Variants in PTCH1 observed in about 807,000 individuals in gnomAD.
PTCH1 encodes patched 1.
Under a neutral mutation model 144.6 loss-of-function variants are expected in PTCH1, and 14 were observed. That is an observed-to-expected ratio of 0.10 (90% CI 0.06 to 0.15). The LOEUF is 0.15. Ranked by LOEUF, PTCH1 falls within the 10% of genes least tolerant of loss-of-function variation. The pLI, the probability that PTCH1 is intolerant of heterozygous loss-of-function variation, is 1.00. For missense variants in PTCH1, 1,623 were observed against 1,948.3 expected, an observed-to-expected ratio of 0.83 and a Z score of 3.14; for synonymous variants, 833 against 793.6, an observed-to-expected ratio of 1.05 and a Z score of -0.83.
intron 12 of PTCH1, among the ~76,000 whole-genome samples, chr9:95,474,985 G>A (rs1840902932): frequency 6.6e-6 from 1 of 151,918 alleles, no homozygotes; most frequent in South Asian, 2.1e-4. Flanking sequence ...GAAAGAAAGG[G>A]GAAACAATTG....
rs55873843 is a variant in PTCH1, at chr9:95,479,862, C to A, written c.1067+107G>T. 4.0e-5 allele frequency: 63 copies of A among 1,558,000 alleles called. No individual in the cohort carries two copies. In the African/African-American group the frequency reaches 7.7e-4, roughly 19 times the overall value. On this transcript the variant is annotated intron_variant, in intron 7 of 23. Transcript: ENST00000331920. ...GACGCCACCTGGCTAGCGAGGATAACGGTTTAAGTATTAATACAAATACAC... is the reference window on the plus strand; with the variant it reads ...GACGCCACCTGGCTAGCGAGGATAAAGGTTTAAGTATTAATACAAATACAC...
At chr9:95,462,946 T>C (rs1458405333) in intron 15 of PTCH1, among the ~76,000 whole-genome samples, 3 of 152,112 alleles carry the variant, frequency 2.0e-5, no homozygotes, top group Non-Finnish European at 2.9e-5. Flanking sequence ...GACCCGGCCT[T>C]AGGGTCTGAG....
Position 95,478,120 on chromosome 9 carries a change from C to T in PTCH1, c.1282G>A (p.Asp428Asn). 1 of 1,614,142 alleles carries T rather than the reference C, an allele frequency of 6.2e-7. No homozygotes were observed. Among genetic ancestry groups the T allele is most frequent in the Non-Finnish European group, 8.5e-7 (1 of 1,180,038 alleles). Residue 428 changes from aspartate to asparagine, a missense_variant, in exon 9 of 24, where the codon GAC (aspartate) becomes AAC (asparagine). Physicochemically the swap from Asp to Asn is conservative, Grantham distance 23 (BLOSUM62 1). This residue lies in a region of PTCH1 where 230 missense variants were observed against 271.0 expected (regional missense o/e 0.85). Coordinates refer to ENST00000331920, the MANE Select transcript of PTCH1 (RefSeq NM_000264.5). ...KVLSFTTTTL[D>N]DILKSFSDVS... ...TCAGAGAAGGATTTCAGGATGTCGT[C>T]CAGGGTCGTGGTGGTGAAGGAAAGC... is the stretch of plus-strand genomic sequence containing the variant.
intron 15 of PTCH1, among the ~76,000 whole-genome samples, chr9:95,462,839 G>A (rs1031238170): frequency 6.6e-6 from 1 of 152,216 alleles, no homozygotes; most frequent in South Asian, 2.1e-4. Flanking sequence ...ACACAGCTGC[G>A]CTTGGCCTCA....
At chr9:95,503,072 T>C (rs1843268754) in intron 2 of PTCH1, among the ~76,000 whole-genome samples, 1 of 152,196 alleles carries the variant, frequency 6.6e-6, no homozygotes, top group East Asian at 1.9e-4. Flanking sequence ...TCTCATACTT[T>C]CCTCTCTTCT....
chr9:95,468,071 T>C (rs1196367779), intron 14 of PTCH1, among the ~76,000 whole-genome samples: 2 of 152,070 alleles, frequency 1.3e-5, no homozygotes, highest in African/African-American at 2.4e-5. Context: ...CATGCCTTTT[T>C]TCCCCCTCTC....
rs776937004 is a variant in PTCH1, at chr9:95,447,140, C to T, written c.4116G>A (p.Thr1372=). ...CGGCGACAGTCACGGAGGCAGAAGC[C>T]GTCACAGTGGTGATGGGCTGGCAGT... The part of the protein sequence containing the change: ...PGYCQPITTV[T]ASASVTVAVH... The change falls in exon 23 of 24, where the codon ACG becomes ACA. Residue 1372 remains threonine, a synonymous_variant. Coordinates refer to ENST00000331920, the MANE Select transcript of PTCH1 (RefSeq NM_000264.5). 26 of 1,613,158 alleles carry T rather than the reference C, an allele frequency of 1.6e-5. No homozygotes were observed. The highest frequency in any genetic ancestry group is 1.9e-5 in the Non-Finnish European group (23 of 1,179,924).
Position 95,508,408 on chromosome 9 carries a change from C to G in PTCH1, c.-47G>C. 1 of 1,073,252 alleles carries G rather than the reference C, an allele frequency of 9.3e-7. No homozygotes were observed. The highest frequency in any genetic ancestry group is 1.1e-6 in the Non-Finnish European group (1 of 889,054). 66.5% of individuals were successfully genotyped at this position (1,073,252 alleles called of 1,614,324 possible). Reference sequence around the variant, plus strand: ...GCCGCGGGGACGGAGGCTTCCCGGGCGGCCCGGCGCGCTGCTGCCGCTGCT... The same window carrying G: ...GCCGCGGGGACGGAGGCTTCCCGGGGGGCCCGGCGCGCTGCTGCCGCTGCT... On this transcript the variant is annotated 5_prime_UTR_variant, in exon 1 of 24. Transcript: ENST00000331920.
chr9:95,469,443 C>G (rs1418299681), intron 13 of PTCH1, among the ~76,000 whole-genome samples: 3 of 152,180 alleles, frequency 2.0e-5, no homozygotes, highest in African/African-American at 7.2e-5. Context: ...AGCACAATTC[C>G]AAACAAAACC....
intron 2 of PTCH1, among the ~76,000 whole-genome samples, chr9:95,496,936 G>A (rs1842831717): frequency 6.6e-6 from 1 of 151,754 alleles, no homozygotes; most frequent in African/African-American, 2.4e-5. Context: ...GTGGGGGTGG[G>A]AATGTGGAAG....
At chr9:95,459,313 G>A (rs1241808840) in intron 17 of PTCH1, among the ~76,000 whole-genome samples, 1 of 152,126 alleles carries the variant, frequency 6.6e-6, no homozygotes, top group Non-Finnish European at 1.5e-5. Flanking sequence ...AGGCGTCCCC[G>A]GTGTTCACAG....
At chr9:95,481,694 A>G in intron 5 of PTCH1, 1 of 539,722 alleles carries the variant, frequency 1.9e-6, no homozygotes. Flanking sequence ...AATAATTTGC[A>G]TTTTATTTGC....
chr9:95,476,833 C>A lies in PTCH1; in HGVS notation c.1528G>T (p.Val510Phe), dbSNP rs770758782. ...TQVLPFLALGVGVDDVFLLAH... is the reference protein window; with the variant it reads ...TQVLPFLALGFGVDDVFLLAH... ...AGAAGAAAAACATCATCCACACCAA[C>A]ACCAAGAGCGAGAAATGGCAAAACC... is the stretch of plus-strand genomic sequence containing the variant. Residue 510 changes from valine to phenylalanine, a missense_variant, in exon 11 of 24, where the codon GTT becomes TTT. Physicochemically the swap from Val to Phe is conservative, Grantham distance 50 (BLOSUM62 -1). This residue lies in a region of PTCH1 where 135 missense variants were observed against 228.7 expected (regional missense o/e 0.59). Coordinates refer to ENST00000331920, the MANE Select transcript of PTCH1 (RefSeq NM_000264.5). The surrounding 1 kb of genome is among the most constrained non-coding windows in gnomAD (Gnocchi z 4.6). The A allele has an allele frequency of 6.2e-7, 1 of 1,614,086 alleles. No homozygotes were observed. Among genetic ancestry groups the A allele is most frequent in the South Asian group, 1.1e-5 (1 of 91,056 alleles).
At chr9:95,460,833 C>A (rs745841553) in intron 16 of PTCH1, among the ~76,000 whole-genome samples, 3 of 152,166 alleles carry the variant, frequency 2.0e-5, no homozygotes, top group Non-Finnish European at 4.4e-5. Flanking sequence ...GCCCTGCTGC[C>A]TGGGCACTTT....
intron 20 of PTCH1, 74 bp from the exon 21 acceptor site, chr9:95,450,014 A>G: frequency 2.2e-6 from 3 of 1,346,466 alleles, no homozygotes; most frequent in South Asian, 2.4e-5. Context: ...TGCCCGACAC[A>G]GCAGCATGGC....
chr9:95,508,763 G>A lies in PTCH1; in HGVS notation c.-402C>T. 1.0e-6 allele frequency: 1 copy of A among 980,648 alleles called. No individual in the cohort carries two copies. Among genetic ancestry groups the A allele is most frequent in the South Asian group, 4.7e-5 (1 of 21,114 alleles). The allele number at this position is 980,648 out of a possible 1,614,324, so 60.7% of individuals were successfully genotyped here. ...TCCCCCTACCCGCCCCCCGCCCCGC[G>A]CCGCGACCCCTTCACTGCAGAAAGA... On this transcript the variant is annotated 5_prime_UTR_variant, in exon 1 of 24. Transcript: ENST00000331920.
chr9:95,449,079 G>T lies in PTCH1; in HGVS notation c.3794C>A (p.Ala1265Asp), dbSNP rs915635257. The T allele has an allele frequency of 6.2e-7, 1 of 1,614,080 alleles. No homozygotes were observed. The highest frequency in any genetic ancestry group is 1.3e-5 in the African/African-American group (1 of 74,940). The change falls in exon 22 of 24, where the codon GCC becomes GAC. Residue 1265 changes from alanine to aspartate, a missense_variant. Coordinates refer to ENST00000331920, the MANE Select transcript of PTCH1 (RefSeq NM_000264.5). The surrounding 1 kb of genome is among the most constrained non-coding windows in gnomAD (Gnocchi z 5.3). ...IVEATENPVF[A>D]HSTVVHPESR... is the part of the protein sequence containing the mutation. ...TGCAGAGTCACTTACAGTGGAGTGG[G>T]CGAAGACGGGGTTTTCTGTGGCTTC...
At chr9:95,500,346 T>C (rs1564080057) in intron 2 of PTCH1, among the ~76,000 whole-genome samples, 1 of 152,216 alleles carries the variant, frequency 6.6e-6, no homozygotes, top group East Asian at 1.9e-4. Context: ...TAAACAATCA[T>C]TGGTGGCTTC....
chr9:95,515,657 T>C (rs993097884), intron 1 of PTCH1, among the ~76,000 whole-genome samples: 3 of 152,154 alleles, frequency 2.0e-5, no homozygotes, highest in Non-Finnish European at 4.4e-5. Flanking sequence ...CGGGCTCCCC[T>C]GAGGCCGCAC....
Sources: allele counts gnomAD v4.1 joint callset (sites outside exome capture counted in the v4.1 genomes callset), GRCh38; gene constraint gnomAD v4.1.1; regional missense constraint gnomAD v4.1.1; non-coding constraint Gnocchi (gnomAD v3.1); transcripts MANE v1.5; gene names NCBI Gene and HGNC (gene_info 2026-07-23, HGNC 2026-07-21).